The following SLC49A4 variants were observed in gnomAD, a reference collection of about 807,000 sequenced individuals.
SLC49A4 encodes the protein disrupted in renal cancer protein 2.
A neutral mutation model predicts 50.6 loss-of-function variants in SLC49A4; 36 were observed. That is an observed-to-expected ratio of 0.71 (90% CI 0.55 to 0.94). The LOEUF (loss-of-function observed/expected upper bound fraction) is 0.94. Ranked by LOEUF, SLC49A4 falls within the 40% of genes least tolerant of loss-of-function variation. The probability of loss-of-function intolerance (pLI) is 0.00; values close to 1 mark genes in which losing one functional copy is unlikely to be tolerated. For missense variants in SLC49A4, 503 were observed against 605.7 expected (o/e 0.83, Z 1.78); for synonymous variants, 248 against 241.2 (o/e 1.03, Z -0.26).
intron 8 of SLC49A4, among the ~76,000 whole-genome samples, chr3:122,875,554 G>A (rs1385238420): frequency 6.6e-6 from 1 of 152,062 alleles, no homozygotes; most frequent in Non-Finnish European, 1.5e-5. Flanking sequence ...GTTCTGCCAT[G>A]TTGCCCATGC....
chr3:122,812,983 G>T (rs994909969), intron 2 of SLC49A4, among the ~76,000 whole-genome samples: 2 of 152,106 alleles, frequency 1.3e-5, no homozygotes, highest in African/African-American at 4.8e-5. Flanking sequence ...GGCAGGGCGT[G>T]ATGCCTTTAT....
intron 2 of SLC49A4, among the ~76,000 whole-genome samples, chr3:122,823,194 C>CAAGAGTAGG (rs1224128299): frequency 9.9e-5 from 15 of 152,188 alleles, no homozygotes; most frequent in Non-Finnish European, 2.1e-4. Flanking sequence ...AGCCTGTTTC[C>CAAGAGTAGG]CAGGCCTGCT....
At chr3:122,877,373 A>G (rs1173196010) in intron 8 of SLC49A4, among the ~76,000 whole-genome samples, 1 of 152,260 alleles carries the variant, frequency 6.6e-6, no homozygotes, top group African/African-American at 2.4e-5. Flanking sequence ...AGTAAAAACC[A>G]GTCAACAAAC....
intron 2 of SLC49A4, among the ~76,000 whole-genome samples, chr3:122,819,708 A>G (rs1353747606): frequency 6.6e-6 from 1 of 152,118 alleles, no homozygotes; most frequent in Non-Finnish European, 1.5e-5. Flanking sequence ...CCTGTAGTTA[A>G]TTCATAACAT....
At chr3:122,852,308 T>A (rs1350403521) in intron 5 of SLC49A4, among the ~76,000 whole-genome samples, 1 of 152,166 alleles carries the variant, frequency 6.6e-6, no homozygotes, top group East Asian at 1.9e-4. Flanking sequence ...TGGTTCTTTT[T>A]TATAGTTGAC....
chr3:122,830,902 A>G (rs542809820), intron 3 of SLC49A4, among the ~76,000 whole-genome samples: 1 of 152,314 alleles, frequency 6.6e-6, no homozygotes, highest in Non-Finnish European at 1.5e-5. Flanking sequence ...ACTTATATTC[A>G]GATTATATAA....
chr3:122,874,222 A>G (rs1433015259), intron 8 of SLC49A4, among the ~76,000 whole-genome samples: 1 of 152,060 alleles, frequency 6.6e-6, no homozygotes, highest in Non-Finnish European at 1.5e-5. Flanking sequence ...ACACCTGACC[A>G]TTTTGCCTGG....
At chr3:122,856,471 A>G in intron 6 of SLC49A4, 97 bp downstream of exon 6, 1 of 1,140,066 alleles carries the variant, frequency 8.8e-7, no homozygotes, top group South Asian at 1.4e-5. Flanking sequence ...ATTCAGGGAA[A>G]AGTAAAACAA....
At chr3:122,826,204 C>T (rs532077793) in intron 2 of SLC49A4, among the ~76,000 whole-genome samples, 48 of 152,328 alleles carry the variant, frequency 3.2e-4, no homozygotes, top group Non-Finnish European at 6.0e-4. Context: ...CCTCAACTAC[C>T]TTTTCTATTA....
At chr3:122,851,760 C>CT (rs1936929732) in intron 5 of SLC49A4, among the ~76,000 whole-genome samples, 1 of 152,024 alleles carries the variant, frequency 6.6e-6, no homozygotes, top group African/African-American at 2.4e-5. Flanking sequence ...TTTGGGTATT[C>CT]TAACTATATA....
rs1560208019 is a variant in SLC49A4, at chr3:122,826,836, A to T, written c.474A>T (p.Ala158=). 1 of 1,614,186 alleles carries T rather than the reference A, an allele frequency of 6.2e-7. No homozygotes were observed. Among genetic ancestry groups the T allele is most frequent in the South Asian group, 1.1e-5 (1 of 91,082 alleles). ...GAGGACAGATGTTAAATGGATTGGCAGGTCCAACTGTAATGAATGCAGCAC... is the reference window on the plus strand; with the variant it reads ...GAGGACAGATGTTAAATGGATTGGCTGGTCCAACTGTAATGAATGCAGCAC... ...IHGGQMLNGL[A]GPTVMNAAPF... is the part of the protein sequence containing the mutation. The change falls in exon 3 of 9, where the codon GCA becomes GCT. Residue 158 remains alanine, a synonymous_variant. Transcript: ENST00000261038.
intron 4 of SLC49A4, among the ~76,000 whole-genome samples, chr3:122,839,106 A>G (rs561571921): frequency 1.4e-4 from 21 of 152,228 alleles, no homozygotes; most frequent in African/African-American, 5.1e-4. Context: ...ACAACCAACT[A>G]ATCTTCAGCA....
chr3:122,826,854 T>C lies in SLC49A4; in HGVS notation c.492T>C (p.Asn164=). 3 of 1,614,160 alleles carry C rather than the reference T, an allele frequency of 1.9e-6. No homozygotes were observed. The East Asian group carries it at 6.7e-5, about 36-fold the overall frequency. The change falls in exon 3 of 9, where the codon AAT becomes AAC. Residue 164 remains asparagine (N), a synonymous_variant. Coordinates refer to ENST00000261038, the MANE Select transcript of SLC49A4 (RefSeq NM_032839.3). The stretch of plus-strand genomic sequence containing the variant: ...GATTGGCAGGTCCAACTGTAATGAA[T>C]GCAGCACCATTTCTCTCTACGACGT... ...LNGLAGPTVM[N]AAPFLSTTWF... is the part of the protein sequence containing the mutation.
rs144517158 is a variant in SLC49A4, at chr3:122,833,348, A to G, written c.735A>G (p.Ala245=). Reference sequence around the variant, plus strand: ...GAGTTGTCTGCTTAATATTTTCTGCAACACTAGCTTATTTCCCACCCCGAC... The same window carrying G: ...GAGTTGTCTGCTTAATATTTTCTGCGACACTAGCTTATTTCCCACCCCGAC... ...EFGVVCLIFS[A]TLAYFPPRPP... The change falls in exon 4 of 9, where the codon GCA becomes GCG. Residue 245 remains alanine (A), a synonymous_variant. Transcript: ENST00000261038. 12 of 1,613,548 alleles carry G rather than the reference A, an allele frequency of 7.4e-6. No homozygotes were observed. The highest frequency in any genetic ancestry group is 1.0e-5 in the Non-Finnish European group (12 of 1,179,658).
At chr3:122,868,886 C>T (rs1027433065) in intron 7 of SLC49A4, among the ~76,000 whole-genome samples, 16 of 152,200 alleles carry the variant, frequency 1.1e-4, no homozygotes, top group Non-Finnish European at 2.9e-5. Context: ...GTTATATCAT[C>T]CGTTTATCCT....
intron 2 of SLC49A4, among the ~76,000 whole-genome samples, chr3:122,824,956 C>T (rs1422110073): frequency 2.0e-5 from 3 of 152,000 alleles, no homozygotes; most frequent in Non-Finnish European, 4.4e-5. Flanking sequence ...TGGTCTTGAA[C>T]TCCTGGCCTC....
At chr3:122,826,189 C>T (rs978819553) in intron 2 of SLC49A4, among the ~76,000 whole-genome samples, 14 of 152,198 alleles carry the variant, frequency 9.2e-5, no homozygotes, top group Admixed American at 2.6e-4. Flanking sequence ...CCAGGTCCTC[C>T]GGTTCCTCAA....
intron 5 of SLC49A4, among the ~76,000 whole-genome samples, chr3:122,851,989 G>C (rs1936932323): frequency 7.0e-6 from 1 of 143,360 alleles, no homozygotes; most frequent in Non-Finnish European, 1.5e-5. Flanking sequence ...ATTTATCTTT[G>C]ATTCTTTTTT....
chr3:122,860,674 A>C (rs1175312308), intron 7 of SLC49A4, among the ~76,000 whole-genome samples: 1 of 152,230 alleles, frequency 6.6e-6, no homozygotes, highest in Non-Finnish European at 1.5e-5. Flanking sequence ...TGTTGAAAGT[A>C]TATTACAGCC....
Sources: gnomAD v4.1 joint callset for allele counts (sites outside exome capture counted in the v4.1 genomes callset) on GRCh38, gnomAD v4.1.1 for gene constraint, MANE v1.5 for transcripts, NCBI Gene and HGNC (gene_info 2026-07-23, HGNC 2026-07-21) for gene names.